The following FAM78A variants were observed in gnomAD, a reference collection of about 807,000 sequenced individuals.
The protein encoded by FAM78A is protein FAM78A.
A neutral mutation model predicts 22.6 loss-of-function variants in FAM78A; 12 were observed. The observed-to-expected ratio is 0.53, with a 90% CI of 0.34 to 0.86. The LOEUF (loss-of-function observed/expected upper bound fraction) is 0.86. FAM78A is among the 40% of genes least tolerant of loss of function. The pLI is 0.02. For missense variants in FAM78A, 322 were observed against 396.1 expected (o/e 0.81, Z 1.59); for synonymous variants, 151 against 155.8 (o/e 0.97, Z 0.23).
In FAM78A at chr9:131,272,884, T is replaced by C. The variant is rs751646094; in HGVS notation, c.323+2973A>G. 2.0e-5 allele frequency among the ~76,000 whole-genome samples: 3 copies of C among 152,008 alleles called. No homozygotes were observed. The highest frequency in any genetic ancestry group is 2.9e-5 in the Non-Finnish European group (2 of 67,996). On this transcript the variant is annotated intron_variant, in intron 1 of 1. Transcript: ENST00000372271. The surrounding 1 kb of genome is among the most constrained non-coding windows in gnomAD (Gnocchi z 4.1). The stretch of plus-strand genomic sequence containing the variant: ...AGGCAGAGGTTGTAGTGAGCCAAGA[T>C]TGGCACCATTGCACTCCAGCCTGGG...
chr9:131,270,411 T>C (rs1424217302), intron 1 of FAM78A: 3 of 717,506 alleles, frequency 4.2e-6, no homozygotes, highest in Admixed American at 2.0e-5. Context: ...GATATCAGTA[T>C]GTAACTTGTC....
chr9:131,277,920 A>G (rs1196003044), upstream of FAM78A, among the ~76,000 whole-genome samples: 1 of 149,330 alleles, frequency 6.7e-6, no homozygotes, highest in African/African-American at 2.4e-5. This position sits in a 1 kb window ranked among gnomAD's most constrained non-coding sequence, Gnocchi z 8.4. Context: ...CAAACTTTGC[A>G]GAAACTCGGC....
At chr9:131,280,001 A>G (rs915167856), upstream of FAM78A, among the ~76,000 whole-genome samples, 1 of 152,164 alleles carries the variant, frequency 6.6e-6, no homozygotes, top group African/African-American at 2.4e-5. Flanking sequence ...CTACCAGCAG[A>G]GGTGTGTGGG....
At chr9:131,263,602 T>TAAA in intron 1 of FAM78A, 1 of 157,550 alleles carries the variant, frequency 6.3e-6, no homozygotes, top group East Asian at 1.9e-4. Flanking sequence ...GACCCTGTCT[T>TAAA]AAAAAAAAAA....
intron 1 of FAM78A, among the ~76,000 whole-genome samples, chr9:131,269,197 A>C (rs2131181939): frequency 6.6e-6 from 1 of 151,938 alleles, no homozygotes; most frequent in South Asian, 2.1e-4. Context: ...TCTGGTAAAC[A>C]TCCTTTGAGA....
chr9:131,270,965 G>T (rs1258047204), intron 1 of FAM78A, among the ~76,000 whole-genome samples: 1 of 151,728 alleles, frequency 6.6e-6, no homozygotes, highest in East Asian at 1.9e-4. Flanking sequence ...GGCACCCAGC[G>T]GTCCCTCCAC....
rs962653692 is a variant in FAM78A, at chr9:131,261,746, G to C, written c.324-396C>G. Among the ~76,000 whole-genome samples the C allele has an allele frequency of 6.6e-6, 1 of 152,130 alleles. No homozygotes were observed. Among genetic ancestry groups the C allele is most frequent in the Non-Finnish European group, 1.5e-5 (1 of 68,020 alleles). The stretch of plus-strand genomic sequence containing the variant: ...ACCCGGCAGATACAGAAAGTGAAGT[G>C]GTGGGCTGGGGGTGGAGAGTGAGGC... On this transcript the variant is annotated intron_variant, in intron 1 of 1. Transcript: ENST00000372271. The surrounding 1 kb of genome is among the most constrained non-coding windows in gnomAD (Gnocchi z 7.1).
upstream of FAM78A, among the ~76,000 whole-genome samples, chr9:131,276,943 C>G (rs1485396777): frequency 6.7e-6 from 1 of 149,374 alleles, no homozygotes; most frequent in Non-Finnish European, 1.5e-5. This position sits in a 1 kb window ranked among gnomAD's most constrained non-coding sequence, Gnocchi z 4.3. Context: ...CCGCCGAGGA[C>G]CTGGTGGGAG....
At chr9:131,278,255 C>G (rs2131201917), upstream of FAM78A, among the ~76,000 whole-genome samples, 2 of 152,258 alleles carry the variant, frequency 1.3e-5, 1 homozygote, top group South Asian at 4.1e-4. Flanking sequence ...TAGTGTAGTT[C>G]CGCTGCTGTC....
At chr9:131,276,848 C>G (rs1240843550), upstream of FAM78A, among the ~76,000 whole-genome samples, 1 of 149,288 alleles carries the variant, frequency 6.7e-6, no homozygotes, top group African/African-American at 2.4e-5. This position sits in a 1 kb window ranked among gnomAD's most constrained non-coding sequence, Gnocchi z 4.3. Flanking sequence ...CGCAGGGGCG[C>G]CGCGTCCCTT....
chr9:131,278,506 ACCC>A (rs1481767644), upstream of FAM78A, among the ~76,000 whole-genome samples: 3 of 151,462 alleles, frequency 2.0e-5, no homozygotes, highest in African/African-American at 7.3e-5. Flanking sequence ...TGCCTGTTGG[ACCC>A]CGGCTGTGTG....
chr9:131,261,417 A>G lies in FAM78A; in HGVS notation c.324-67T>C. ...GGAGGGCTTTCTGTGTCCCCCTGGCAGGCCAGGGGCTGTCCTGGGCCCTGA... is the reference window on the plus strand; with the variant it reads ...GGAGGGCTTTCTGTGTCCCCCTGGCGGGCCAGGGGCTGTCCTGGGCCCTGA... On this transcript the variant is annotated intron_variant, in intron 1 of 1. Coordinates refer to ENST00000372271, the MANE Select transcript of FAM78A (RefSeq NM_033387.4). This position sits in a 1 kb window ranked among gnomAD's most constrained non-coding sequence, Gnocchi z 7.1. 1 of 1,426,346 alleles carries G rather than the reference A, an allele frequency of 7.0e-7. No individual in the cohort carries two copies. Among genetic ancestry groups the G allele is most frequent in the Non-Finnish European group, 9.3e-7 (1 of 1,079,280 alleles). 88.4% of individuals were successfully genotyped at this position (1,426,346 alleles called of 1,614,324 possible). A position where few individuals can be genotyped will look rare whatever the true frequency, so the allele number is the denominator to read the frequency against.
chr9:131,260,981 C>T lies in FAM78A; in HGVS notation c.693G>A (p.Leu231=), dbSNP rs749799313. ...PNRPLGQRAR[L]REPIAQDQPK... ...GCTGGTCCTGGGCGATGGGCTCCCG[C>T]AGCCGGGCGCGCTGGCCCAGGGGCC... is the stretch of plus-strand genomic sequence containing the variant. Residue 231 remains leucine, a synonymous_variant, in exon 2 of 2, where the codon CTG becomes CTA. Transcript: ENST00000372271. The surrounding 1 kb of genome is among the most constrained non-coding windows in gnomAD (Gnocchi z 5.4). 2 of 1,613,188 alleles carry T rather than the reference C, an allele frequency of 1.2e-6. No homozygotes were observed. The highest frequency in any genetic ancestry group is 1.7e-4 in the Middle Eastern group (1 of 6,058).
chr9:131,276,648 G>C (rs545444614), upstream of FAM78A: 353 of 153,238 alleles, frequency 2.3e-3, 1 homozygote, highest in Non-Finnish European at 4.5e-3. The surrounding 1 kb of genome is among the most constrained non-coding windows in gnomAD (Gnocchi z 4.3). Flanking sequence ...ACCCGCACCC[G>C]CCCGGCGCGG....
upstream of FAM78A, among the ~76,000 whole-genome samples, chr9:131,281,036 G>C (rs1179655578): frequency 6.6e-6 from 1 of 152,194 alleles, no homozygotes; most frequent in African/African-American, 2.4e-5. Context: ...ATTCCTTGCA[G>C]TATAGGGACC....
rs901862283 is a variant in FAM78A, at chr9:131,265,303, C to A, written c.324-3953G>T. ...AGAGTTTCACTCTTCCTGGCCAGGC[C>A]GGAGTGCAATGGCATGATCTCAGCT... On this transcript the variant is annotated intron_variant, in intron 1 of 1. Transcript: ENST00000372271. The surrounding 1 kb of genome is among the most constrained non-coding windows in gnomAD (Gnocchi z 4.3). Among the ~76,000 whole-genome samples, 1 of 152,036 alleles carries A rather than the reference C, an allele frequency of 6.6e-6. No homozygotes were observed. The highest frequency in any genetic ancestry group is 2.1e-4 in the South Asian group (1 of 4,820).
At chr9:131,269,101 C>CAAA (rs34943494) in intron 1 of FAM78A, among the ~76,000 whole-genome samples, 2 of 89,790 alleles carry the variant, frequency 2.2e-5, no homozygotes, top group Admixed American at 1.2e-4. Flanking sequence ...AACTTCGTCT[C>CAAA]AAAAAAAAAA....
At chr9:131,280,252 T>C (rs939738929), upstream of FAM78A, among the ~76,000 whole-genome samples, 3 of 152,096 alleles carry the variant, frequency 2.0e-5, no homozygotes, top group Non-Finnish European at 1.5e-5. Flanking sequence ...ACCAGGGTTC[T>C]GGTGGCTTCC....
intron 1 of FAM78A, among the ~76,000 whole-genome samples, chr9:131,267,133 T>C (rs1835355841): frequency 6.6e-6 from 1 of 152,100 alleles, no homozygotes; most frequent in South Asian, 2.1e-4. Context: ...AACTGGGAAG[T>C]AACTGGGCCA....
Sources: gnomAD v4.1 joint callset for allele counts (sites outside exome capture counted in the v4.1 genomes callset) on GRCh38, gnomAD v4.1.1 for gene constraint, Gnocchi (gnomAD v3.1) non-coding constraint, MANE v1.5 for transcripts, NCBI Gene and HGNC (gene_info 2026-07-23, HGNC 2026-07-21) for gene names.